Variants in ATP9A observed in about 807,000 individuals in gnomAD.
ATP9A encodes the protein probable phospholipid-transporting ATPase IIA.
Under a neutral mutation model 144.1 loss-of-function variants are expected in ATP9A, and 52 were observed. The ratio of observed to expected loss-of-function variants is 0.36; its 90% CI spans 0.29 to 0.45. The LOEUF (loss-of-function observed/expected upper bound fraction) is 0.45. Among genes scored for constraint, ATP9A ranks in the 20% least tolerant of loss-of-function variants. The probability of loss-of-function intolerance (pLI) is 1.00; values close to 1 mark genes in which losing one functional copy is unlikely to be tolerated. For synonymous variants in ATP9A, 582 were observed against 557.4 expected (o/e 1.04, Z -0.62); for missense variants, 947 against 1,392.7 (o/e 0.68, Z 5.09).
rs1254010146 is a variant in ATP9A, at chr20:51,690,789, C to A, written c.673G>T (p.Ala225Ser). ...DLLQIRSYVY[A>S]EEPNIDIHNF... ...TGAATGTCAATATTTGGCTCTTCTG[C>A]GTACACATACGATCGAATCTGAAGA... The change falls in exon 8 of 28, where the codon GCA becomes TCA. Residue 225 changes from alanine to serine, a missense_variant. Transcript: ENST00000338821. 1 of 1,614,122 alleles carries A rather than the reference C, an allele frequency of 6.2e-7. No homozygotes were observed. The highest frequency in any genetic ancestry group is 1.1e-5 in the South Asian group (1 of 91,082).
intron 4 of ATP9A, among the ~76,000 whole-genome samples, chr20:51,702,797 C>G (rs34082219): frequency 0.056 from 8,491 of 152,158 alleles, 426 homozygotes; most frequent in African/African-American, 0.13. Flanking sequence ...GAACAAGATA[C>G]GGAGAAGTAA....
chr20:51,683,894 A>G (rs1268729972), intron 9 of ATP9A, among the ~76,000 whole-genome samples: 2 of 152,182 alleles, frequency 1.3e-5, no homozygotes, highest in East Asian at 3.8e-4. Context: ...AAACACTCCA[A>G]AAAAAGTCAG....
chr20:51,721,379 G>A (rs555343046), intron 3 of ATP9A, among the ~76,000 whole-genome samples: 1 of 152,172 alleles, frequency 6.6e-6, no homozygotes, highest in South Asian at 2.1e-4. Context: ...CTAGCACCTT[G>A]GAAGGCCAAG....
At chr20:51,625,503 G>A in intron 17 of ATP9A, 141 bp from the exon 18 acceptor site, 1 of 899,522 alleles carries the variant, frequency 1.1e-6, no homozygotes, top group Non-Finnish European at 1.6e-6. Flanking sequence ...GACCCCACAG[G>A]GGTGACATAG....
chr20:51,712,958 AG>A lies in ATP9A; in HGVS notation c.436+7del. ...GCAACCCTGTGGCCCAGGAGCCAGA[AG>A]GCTGACCTCGTGCTGTGAGCCGGCT... On this transcript the variant is annotated splice_region_variant and intron_variant, in intron 4 of 27. Coordinates refer to ENST00000338821, the MANE Select transcript of ATP9A (RefSeq NM_006045.3). 6.2e-7 allele frequency: 1 copy of A among 1,603,336 alleles called. No homozygotes were observed. Among genetic ancestry groups the A allele is most frequent in the Non-Finnish European group, 8.5e-7 (1 of 1,174,584 alleles).
Position 51,601,219 on chromosome 20 carries a change from T to C in ATP9A, c.3136A>G (p.Thr1046Ala). The C allele has an allele frequency of 2.5e-6, 4 of 1,612,394 alleles. No homozygotes were observed. The highest frequency in any genetic ancestry group is 3.4e-6 in the Non-Finnish European group (4 of 1,179,134). The change falls in exon 28 of 28, where the codon ACA (threonine) becomes GCA (alanine). Residue 1046 changes from threonine to alanine, a missense_variant. Transcript: ENST00000338821. ...TCCAGCGAACGCACGGCCTATGATGTGAGCTTTGAGTAGCTGGGGGGAGAG... is the reference window on the plus strand; with the variant it reads ...TCCAGCGAACGCACGGCCTATGATGCGAGCTTTGAGTAGCTGGGGGGAGAG... Reference protein sequence around the residue: ...RFSPPSYSKLTS With the variant: ...RFSPPSYSKLAS
chr20:51,762,242 T>C lies in ATP9A; in HGVS notation c.68+6060A>G, dbSNP rs892093858. Among the ~76,000 whole-genome samples, 19 of 152,278 alleles carry C rather than the reference T, an allele frequency of 1.2e-4. 1 individual carries two copies. The highest frequency in any genetic ancestry group is 2.2e-4 in the Non-Finnish European group (15 of 68,022). On this transcript the variant is annotated intron_variant, in intron 1 of 27. Coordinates refer to ENST00000338821, the MANE Select transcript of ATP9A (RefSeq NM_006045.3). ...TAGGCCAGGCATGGTGGCTCACGCCTGTAATCCCAGCACTTAGGGAGGCCA... is the reference window on the plus strand; with the variant it reads ...TAGGCCAGGCATGGTGGCTCACGCCCGTAATCCCAGCACTTAGGGAGGCCA...
intron 15 of ATP9A, among the ~76,000 whole-genome samples, chr20:51,637,121 T>A (rs963192260): frequency 6.6e-6 from 1 of 151,896 alleles, no homozygotes; most frequent in Non-Finnish European, 1.5e-5. Flanking sequence ...TTGTCATTCC[T>A]GTCATTCTTC....
intron 15 of ATP9A, among the ~76,000 whole-genome samples, chr20:51,637,699 G>GTTT (rs5841854): frequency 2.7e-5 from 4 of 145,728 alleles, no homozygotes; most frequent in African/African-American, 5.0e-5. Flanking sequence ...TGTGCACTCT[G>GTTT]TTTTTTTTTT....
At chr20:51,762,398 G>C (rs1324716756) in intron 1 of ATP9A, among the ~76,000 whole-genome samples, 1 of 151,658 alleles carries the variant, frequency 6.6e-6, no homozygotes, top group South Asian at 2.1e-4. Flanking sequence ...CCGGAGGCTG[G>C]GGCAGGAGAA....
At chr20:51,730,466 CA>C (rs1021865965) in intron 1 of ATP9A, among the ~76,000 whole-genome samples, 3 of 152,128 alleles carry the variant, frequency 2.0e-5, no homozygotes, top group African/African-American at 7.2e-5. Flanking sequence ...GACTTCGTCT[CA>C]AAAAATAAGT....
intron 20 of ATP9A, 53 bp from the exon 21 acceptor site, chr20:51,618,859 G>A: frequency 6.3e-7 from 1 of 1,581,790 alleles, no homozygotes. Flanking sequence ...GTGGTGCGTT[G>A]GTGGAGGTCG....
At chr20:51,634,682 C>G (rs929669466) in intron 15 of ATP9A, among the ~76,000 whole-genome samples, 1 of 151,886 alleles carries the variant, frequency 6.6e-6, no homozygotes, top group Non-Finnish European at 1.5e-5. Flanking sequence ...ATGGAGAAAC[C>G]CCATCTCTAC....
At position 51,657,081 on chromosome 20, in the gene ATP9A, G is replaced by A. The variant is rs2077390191; in HGVS notation, c.1363C>T (p.Arg455Cys). 1.9e-6 allele frequency: 3 copies of A among 1,614,204 alleles called. No homozygotes were observed. The highest frequency in any genetic ancestry group is 1.1e-5 in the South Asian group (1 of 91,086). ...ATGGCCTTCACGGCTTCGTGCACGCGGCTGCTCATGGTCCGCCGGACCTTA... is the reference window on the plus strand; with the variant it reads ...ATGGCCTTCACGGCTTCGTGCACGCAGCTGCTCATGGTCCGCCGGACCTTA... ...TTKVRRTMSSRVHEAVKAIAL... is the reference protein window; with the variant it reads ...TTKVRRTMSSCVHEAVKAIAL... Residue 455 changes from arginine to cysteine, a missense_variant, in exon 14 of 28, where the codon CGC becomes TGC. By Grantham distance (180) the Arg-to-Cys change is radical. Around this residue, in one of 2 missense-constraint regions of ATP9A, gnomAD observed 770 missense variants for 1,047.9 expected, o/e 0.73. Transcript: ENST00000338821.
Position 51,627,593 on chromosome 20 carries a change from A to G in ATP9A, c.1845+7T>C, listed in dbSNP as rs754548004. 13 of 1,613,712 alleles carry G rather than the reference A, an allele frequency of 8.1e-6. No individual in the cohort carries two copies. Among genetic ancestry groups the G allele is most frequent in the Non-Finnish European group, 1.1e-5 (13 of 1,179,690 alleles). ...AAAGGCAATGGAAAGGTCCCAGAAC[A>G]ACTTACTTCAAAGTCCTGATACTGC... On this transcript the variant is annotated splice_region_variant and intron_variant, in intron 17 of 27. Transcript: ENST00000338821.
chr20:51,623,801 A>AAAAAAGAAAG (rs558189054), intron 18 of ATP9A, among the ~76,000 whole-genome samples: 150 of 133,412 alleles, frequency 1.1e-3, no homozygotes, highest in African/African-American at 4.1e-3. Context: ...AAAAAAAAAA[A>AAAAAAGAAAG]AAAGAAAGAA....
intron 11 of ATP9A, among the ~76,000 whole-genome samples, chr20:51,673,817 A>G (rs542823409): frequency 3.9e-5 from 6 of 152,210 alleles, no homozygotes; most frequent in African/African-American, 1.4e-4. Context: ...TGGGAGGCTG[A>G]GTCAGGTAGA....
chr20:51,608,009 A>G (rs563517166), intron 25 of ATP9A, among the ~76,000 whole-genome samples: 55 of 149,492 alleles, frequency 3.7e-4, no homozygotes, highest in African/African-American at 1.1e-3. Context: ...GAGCCACTAC[A>G]CTCCAGCGTG....
intron 15 of ATP9A, among the ~76,000 whole-genome samples, chr20:51,633,696 T>C (rs1196653563): frequency 6.6e-6 from 1 of 151,346 alleles, no homozygotes; most frequent in East Asian, 1.9e-4. Flanking sequence ...CAATGAGCCA[T>C]GTTCATACCA....
Sources: gnomAD v4.1 joint callset for allele counts (sites outside exome capture counted in the v4.1 genomes callset) on GRCh38, gnomAD v4.1.1 for gene constraint, gnomAD v4.1.1 regional missense constraint, MANE v1.5 for transcripts, NCBI Gene and HGNC (gene_info 2026-07-23, HGNC 2026-07-21) for gene names.